Variants in CACNA1H observed in about 807,000 individuals in gnomAD.
CACNA1H encodes the protein calcium voltage-gated channel subunit alpha1 H.
In CACNA1H, 149 loss-of-function variants were observed where a neutral mutation model predicts 192.5. That is an observed-to-expected ratio of 0.77 (90% confidence interval 0.68 to 0.89). The LOEUF is 0.89. Among genes scored for constraint, CACNA1H ranks in the 40% least tolerant of loss-of-function variants. The pLI, the probability that CACNA1H is intolerant of heterozygous loss-of-function variation, is 0.00. For synonymous variants in CACNA1H, 2,202 were observed against 1,475.2 expected (o/e 1.49, Z -11.29); for missense variants, 4,257 against 3,423.5 (o/e 1.24, Z -6.08).
At chr16:1,171,141 C>T (rs985247651) in intron 2 of CACNA1H, among the ~76,000 whole-genome samples, 5 of 152,170 alleles carry the variant, frequency 3.3e-5, no homozygotes, top group African/African-American at 9.7e-5. Flanking sequence ...CCTTCCCACC[C>T]GCACCCCTGG....
intron 2 of CACNA1H, among the ~76,000 whole-genome samples, chr16:1,193,170 G>A (rs367580471): frequency 2.6e-5 from 4 of 152,186 alleles, no homozygotes; most frequent in African/African-American, 4.8e-5. Context: ...AGCCTGTTCC[G>A]TTTACCCAAG....
At chr16:1,186,511 C>G (rs986172582) in intron 2 of CACNA1H, among the ~76,000 whole-genome samples, 6 of 152,098 alleles carry the variant, frequency 3.9e-5, no homozygotes, top group Non-Finnish European at 1.5e-5. Context: ...CGTCTTGTCC[C>G]TCTCCACGGC....
At chr16:1,212,693 G>A (rs962473974) in intron 26 of CACNA1H, among the ~76,000 whole-genome samples, 165 bp downstream of exon 26, 1 of 152,186 alleles carries the variant, frequency 6.6e-6, no homozygotes, top group African/African-American at 2.4e-5. Flanking sequence ...CCAGTGTCCG[G>A]GCTGCTGTGT....
chr16:1,181,926 T>A (rs1211068757), intron 2 of CACNA1H, among the ~76,000 whole-genome samples: 1 of 151,784 alleles, frequency 6.6e-6, no homozygotes, highest in Non-Finnish European at 1.5e-5. Flanking sequence ...CACACATGCA[T>A]GTCCCCTTTG....
chr16:1,212,484 C>T (rs2141356282), intron 25 of CACNA1H, 27 bp from the exon 26 acceptor site: 1 of 1,608,552 alleles, frequency 6.2e-7, no homozygotes, highest in Middle Eastern at 1.7e-4. Flanking sequence ...CGCCCTCGGC[C>T]CTCAGACCAT....
At position 1,207,925 on chromosome 16, in the gene CACNA1H, G is replaced by C. The variant is rs1044612864; in HGVS notation, c.3154+65G>C. On this transcript the variant is annotated intron_variant, in intron 15 of 34. Transcript: ENST00000348261. ...GAGTACGCTGGGCTGGCCGGGCAGG[G>C]CCCCCATAAGGCAATCCCTAGGTTG... 1.9e-6 allele frequency: 3 copies of C among 1,540,530 alleles called. No individual in the cohort carries two copies. In the African/African-American group the frequency reaches 4.1e-5, roughly 21 times the overall value.
At chr16:1,202,479 G>C in intron 9 of CACNA1H, 27 bp downstream of exon 9, 1 of 1,458,402 alleles carries the variant, frequency 6.9e-7, no homozygotes. Context: ...ACCCCACGGA[G>C]GAGGCGGTGG....
At chr16:1,181,529 C>G (rs902140086) in intron 2 of CACNA1H, among the ~76,000 whole-genome samples, 1 of 152,252 alleles carries the variant, frequency 6.6e-6, no homozygotes, top group African/African-American at 2.4e-5. Context: ...GGGCCTCAAG[C>G]TTCCCGCAGG....
Position 1,201,645 on chromosome 16 carries a change from C to T in CACNA1H, c.1213-18C>T, listed in dbSNP as rs57432507. ...ACTCGCTCACTCACTGCCACTTACC[C>T]GCCCGCCCCCGTCACAGGTGGGCTC... is the stretch of plus-strand genomic sequence containing the variant. On this transcript the variant is annotated intron_variant, in intron 8 of 34. Transcript: ENST00000348261. 320 of 1,555,600 alleles carry T rather than the reference C, an allele frequency of 2.1e-4. No homozygotes were observed. The African/African-American group carries it at 3.7e-3, about 18-fold the overall frequency.
chr16:1,202,212 A>G lies in CACNA1H; in HGVS notation c.1762A>G (p.Arg588Gly). Reference sequence around the variant, plus strand: ...CTGCCACATAGAGGGGCCGCAGGAGAGGGCCCGGGTGGCACATGCCGCAGC... The same window carrying G: ...CTGCCACATAGAGGGGCCGCAGGAGGGGGCCCGGGTGGCACATGCCGCAGC... ...ADCHIEGPQE[R>G]ARVAHAAATA... is the part of the protein sequence containing the mutation. The change falls in exon 9 of 35, where the codon AGG (arginine) becomes GGG (glycine). Residue 588 changes from arginine (R) to glycine (G), a missense_variant. Coordinates refer to ENST00000348261, the MANE Select transcript of CACNA1H (RefSeq NM_021098.3). 6 of 1,553,538 alleles carry G rather than the reference A, an allele frequency of 3.9e-6. No homozygotes were observed. Among genetic ancestry groups the G allele is most frequent in the Non-Finnish European group, 5.2e-6 (6 of 1,149,786 alleles).
chr16:1,201,648 C>A lies in CACNA1H; in HGVS notation c.1213-15C>A, dbSNP rs1463678001. On this transcript the variant is annotated splice_polypyrimidine_tract_variant and intron_variant, in intron 8 of 34. Transcript: ENST00000348261. ...CGCTCACTCACTGCCACTTACCCGCCCGCCCCCGTCACAGGTGGGCTCCTT... is the reference window on the plus strand; with the variant it reads ...CGCTCACTCACTGCCACTTACCCGCACGCCCCCGTCACAGGTGGGCTCCTT... 3 of 1,564,284 alleles carry A rather than the reference C, an allele frequency of 1.9e-6. No individual in the cohort carries two copies. The highest frequency in any genetic ancestry group is 2.7e-5 in the African/African-American group (2 of 73,958).
chr16:1,206,741 C>T lies in CACNA1H; in HGVS notation c.2790-260C>T, dbSNP rs1250444360. ...CCAGGTTCCAGTTGCCACCCAAATC[C>T]AGAGTGGCTTCCCTCTGTCTGTCCC... On this transcript the variant is annotated intron_variant, in intron 12 of 34. Transcript: ENST00000348261. The T allele has an allele frequency of 1.6e-5, 8 of 492,226 alleles. 1 individual carries two copies. In the South Asian group the frequency reaches 1.9e-4, roughly 12 times the overall value. The allele number at this position is 492,226 out of a possible 1,614,324, so 30.5% of individuals were successfully genotyped here. A position where few individuals can be genotyped will look rare whatever the true frequency, so the allele number is the denominator to read the frequency against.
intron 6 of CACNA1H, among the ~76,000 whole-genome samples, chr16:1,199,495 T>G (rs12922159): frequency 2.1e-5 from 1 of 48,532 alleles, no homozygotes; most frequent in African/African-American, 1.0e-4. Context: ...CGTGCGGTCA[T>G]TGCACATATG....
chr16:1,211,537 C>T lies in CACNA1H; in HGVS notation c.4407C>T (p.Thr1469=). 2 of 1,612,484 alleles carry T rather than the reference C, an allele frequency of 1.2e-6. No homozygotes were observed. Among genetic ancestry groups the T allele is most frequent in the South Asian group, 1.1e-5 (1 of 91,080 alleles). Residue 1469 remains threonine (T), a synonymous_variant, in exon 23 of 35, where the codon ACC becomes ACT. Coordinates refer to ENST00000348261, the MANE Select transcript of CACNA1H (RefSeq NM_021098.3). ...GCCCCGACACCAGGAACATCTCCAC[C>T]AAGGCACAGTGCCGGGCCGCCCACT... The part of the protein sequence containing the change: ...CEGPDTRNIS[T]KAQCRAAHYR...
chr16:1,160,796 T>C (rs1012889396), intron 2 of CACNA1H, among the ~76,000 whole-genome samples: 1 of 152,118 alleles, frequency 6.6e-6, no homozygotes, highest in African/African-American at 2.4e-5. Flanking sequence ...GCGGGAGCTG[T>C]GGGCAGAGAG....
intron 12 of CACNA1H, 81 bp from the exon 13 acceptor site, chr16:1,206,920 A>ACCCCCCCCCCCCCCCC (rs1968791763): frequency 2.1e-5 from 1 of 48,172 alleles, no homozygotes; most frequent in Non-Finnish European, 3.8e-5. Context: ...CCCTCCTCCC[A>ACCCCCCCCCCCCCCCC]CCCCCCTCCC....
intron 4 of CACNA1H, 77 bp from the exon 5 acceptor site, chr16:1,195,849 C>G (rs1374504776): frequency 8.6e-7 from 1 of 1,161,424 alleles, no homozygotes; most frequent in Non-Finnish European, 1.3e-6. Flanking sequence ...TGCCTGCCCA[C>G]CCTACTTTGC....
chr16:1,215,694 C>A, intron 30 of CACNA1H, 101 bp downstream of exon 30: 1 of 950,486 alleles, frequency 1.1e-6, no homozygotes, highest in Non-Finnish European at 1.6e-6. Context: ...TTCTCTGGTC[C>A]CTCGGTTGTG....
At chr16:1,202,852 C>G (rs1311967862) in intron 9 of CACNA1H, among the ~76,000 whole-genome samples, 1 of 152,110 alleles carries the variant, frequency 6.6e-6, no homozygotes, top group Non-Finnish European at 1.5e-5. Context: ...GCTGGCCCCC[C>G]TTCTAGGTGG....
Sources: gnomAD v4.1 joint callset for allele counts (sites outside exome capture counted in the v4.1 genomes callset) on GRCh38, gnomAD v4.1.1 for gene constraint, MANE v1.5 for transcripts, NCBI Gene and HGNC (gene_info 2026-07-23, HGNC 2026-07-21) for gene names.